The following AZIN2 variants were observed in gnomAD, a reference collection of about 807,000 sequenced individuals.
AZIN2 encodes antizyme inhibitor 2.
A neutral mutation model predicts 47.8 loss-of-function variants in AZIN2; 28 were observed. The observed-to-expected ratio is 0.59, with a 90% CI of 0.43 to 0.80. The LOEUF (loss-of-function observed/expected upper bound fraction) is 0.80. Ranked by LOEUF, AZIN2 falls within the 30% of genes least tolerant of loss-of-function variation. The pLI is 0.00. For synonymous variants in AZIN2, 221 were observed against 239.4 expected, an observed-to-expected ratio of 0.92 and a Z score of 0.71; for missense variants, 535 against 582.5, an observed-to-expected ratio of 0.92 and a Z score of 0.84.
chr1:33,096,534 C>A (rs1311982843), intron 8 of AZIN2, among the ~76,000 whole-genome samples, 173 bp from the exon 9 acceptor site: 1 of 152,192 alleles, frequency 6.6e-6, no homozygotes, highest in African/African-American at 2.4e-5. Flanking sequence ...CTGTCCCCCT[C>A]CTACCTTCTT....
the AZIN2 span, among the ~76,000 whole-genome samples, chr1:33,136,113 C>CCCTTCCTTCCTTCCTTCCTT: frequency 7.0e-4 from 72 of 103,564 alleles, 1 homozygote; most frequent in East Asian, 1.1e-3. Flanking sequence ...CAGGGGCCAG[C>CCCTTCCTTCCTTCCTTCCTT]CCTTCCTTCC....
the AZIN2 span, among the ~76,000 whole-genome samples, chr1:33,162,676 G>A: frequency 2.0e-5 from 3 of 152,132 alleles, no homozygotes; most frequent in East Asian, 5.8e-4. Context: ...TCAAGGACGA[G>A]AGAGGATGGG....
At chr1:33,140,889 C>T in the AZIN2 span, among the ~76,000 whole-genome samples, 1 of 152,190 alleles carries the variant, frequency 6.6e-6, no homozygotes, top group Non-Finnish European at 1.5e-5. The surrounding 1 kb of genome is among the most constrained non-coding windows in gnomAD (Gnocchi z 4.0). Flanking sequence ...TCCTTCTGCT[C>T]AGGCTCCAGG....
chr1:33,126,713 C>T (rs1177638442), downstream of AZIN2, among the ~76,000 whole-genome samples: 1 of 152,102 alleles, frequency 6.6e-6, no homozygotes, highest in Admixed American at 6.5e-5. Flanking sequence ...CACGTAGGAC[C>T]CCCCCAATAG....
chr1:33,097,093 A>G, intron 9 of AZIN2: 1 of 574,876 alleles, frequency 1.7e-6, no homozygotes, highest in South Asian at 2.0e-5. Flanking sequence ...ATTGAGAGCA[A>G]AACAACCTTA....
At chr1:33,159,413 C>T in the AZIN2 span, among the ~76,000 whole-genome samples, 1 of 152,010 alleles carries the variant, frequency 6.6e-6, no homozygotes, top group East Asian at 1.9e-4. This position sits in a 1 kb window ranked among gnomAD's most constrained non-coding sequence, Gnocchi z 4.2. Context: ...CTCCTGCACC[C>T]CTAGAGCCAA....
downstream of AZIN2, among the ~76,000 whole-genome samples, chr1:33,127,319 C>T (rs971498253): frequency 5.9e-5 from 9 of 152,250 alleles, no homozygotes; most frequent in Non-Finnish European, 1.2e-4. Flanking sequence ...AAGTCACTTC[C>T]GTATTCGAGA....
chr1:33,095,901 A>G (rs12117545), intron 8 of AZIN2, among the ~76,000 whole-genome samples: 80 of 152,194 alleles, frequency 5.3e-4, no homozygotes, highest in Non-Finnish European at 1.0e-3. Context: ...GCAGTGGCAC[A>G]ATCTTGGCTC....
intron 5 of AZIN2, among the ~76,000 whole-genome samples, chr1:33,086,177 C>T (rs12060631): frequency 0.36 from 55,379 of 151,922 alleles, 11,180 homozygotes; most frequent in African/African-American, 0.55. Flanking sequence ...TTTCTGTACA[C>T]GATCTCATTT....
the AZIN2 span, among the ~76,000 whole-genome samples, chr1:33,162,442 T>G: frequency 6.6e-6 from 1 of 152,226 alleles, no homozygotes; most frequent in African/African-American, 2.4e-5. Flanking sequence ...ACAGTCTTAA[T>G]ACATTGTCCC....
chr1:33,091,333 G>A (rs960045708), intron 5 of AZIN2, among the ~76,000 whole-genome samples: 17 of 152,158 alleles, frequency 1.1e-4, no homozygotes, highest in African/African-American at 4.1e-4. Flanking sequence ...TCCGCCTCCT[G>A]GGTTCAAGTG....
At chr1:33,125,653 T>G (rs2124686518), downstream of AZIN2, among the ~76,000 whole-genome samples, 1 of 152,350 alleles carries the variant, frequency 6.6e-6, no homozygotes, top group Non-Finnish European at 1.5e-5. Flanking sequence ...AGACCATATT[T>G]AAGGCAAGAA....
chr1:33,149,264 T>C, the AZIN2 span, among the ~76,000 whole-genome samples: 1 of 152,242 alleles, frequency 6.6e-6, no homozygotes, highest in Non-Finnish European at 1.5e-5. Context: ...GTGATTCTCA[T>C]GCCTCAGCCT....
intron 10 of AZIN2, chr1:33,101,682 C>A (rs1643710909): frequency 5.6e-6 from 3 of 540,116 alleles, no homozygotes; most frequent in African/African-American, 1.9e-5. Flanking sequence ...CATGCATTAT[C>A]ATTCTCTGGC....
chr1:33,088,823 C>T (rs1041977206), intron 5 of AZIN2, among the ~76,000 whole-genome samples: 9 of 152,192 alleles, frequency 5.9e-5, no homozygotes, highest in African/African-American at 1.7e-4. Context: ...CTGAAGTTGT[C>T]CTTTGCCTCT....
At chr1:33,112,013 G>C (rs969693602) in intron 10 of AZIN2, among the ~76,000 whole-genome samples, 5 of 152,164 alleles carry the variant, frequency 3.3e-5, no homozygotes, top group African/African-American at 1.2e-4. Flanking sequence ...ATTCACAGAA[G>C]ATAAACTGAA....
the AZIN2 span, chr1:33,146,455 T>A: frequency 1.3e-5 from 2 of 159,176 alleles, no homozygotes; most frequent in Non-Finnish European, 2.8e-5. Context: ...CTGCAGTTGC[T>A]TTTAGGCTAA....
intron 9 of AZIN2, 95 bp from the exon 10 acceptor site, chr1:33,097,972 A>G (rs1643331144): frequency 3.6e-6 from 3 of 840,892 alleles, no homozygotes; most frequent in Non-Finnish European, 6.0e-6. Flanking sequence ...ATGGGTAGCC[A>G]TTTTGCTTCC....
At chr1:33,127,254 G>A (rs1644863026), downstream of AZIN2, among the ~76,000 whole-genome samples, 1 of 152,240 alleles carries the variant, frequency 6.6e-6, no homozygotes, top group African/African-American at 2.4e-5. Flanking sequence ...TCCAGCCACC[G>A]GAACCCCCAG....
Sources: gnomAD v4.1 joint callset for allele counts (sites outside exome capture counted in the v4.1 genomes callset) on GRCh38, gnomAD v4.1.1 for gene constraint, Gnocchi (gnomAD v3.1) non-coding constraint, MANE v1.5 for transcripts, NCBI Gene and HGNC (gene_info 2026-07-23, HGNC 2026-07-21) for gene names.